The following EVC2 variants were observed in gnomAD, a reference collection of about 807,000 sequenced individuals.
EVC2 encodes the protein limbin.
Under a neutral mutation model 149.3 loss-of-function variants are expected in EVC2, and 148 were observed. The ratio of observed to expected loss-of-function variants is 0.99; its 90% CI spans 0.87 to 1.14. EVC2 has a LOEUF of 1.14. Among genes scored for constraint, EVC2 ranks in the 50% most tolerant of loss-of-function variants. The pLI is 0.00. For synonymous variants in EVC2, 776 were observed against 649.9 expected (o/e 1.19, Z -2.95); for missense variants, 1,854 against 1,627.3 (o/e 1.14, Z -2.40).
intron 16 of EVC2, among the ~76,000 whole-genome samples, chr4:5,595,162 G>C (rs960515355): frequency 1.3e-5 from 2 of 152,150 alleles, no homozygotes; most frequent in Non-Finnish European, 2.9e-5. Context: ...TTATCCAGGA[G>C]AACTTCCCCA....
chr4:5,665,078 G>C (rs1719174734), intron 8 of EVC2, among the ~76,000 whole-genome samples: 1 of 151,996 alleles, frequency 6.6e-6, no homozygotes, highest in Non-Finnish European at 1.5e-5. Flanking sequence ...GTGACAGGCT[G>C]CGTGTGGGTG....
At position 5,565,163 on chromosome 4, in the gene EVC2, C is replaced by T. The variant is rs952300520; in HGVS notation, c.3659+95G>A. The T allele has an allele frequency of 4.3e-6, 5 of 1,170,878 alleles. No individual in the cohort carries two copies. The South Asian group carries it at 6.1e-5, about 14-fold the overall frequency. The allele number at this position is 1,170,878 out of a possible 1,614,324, so 72.5% of individuals were successfully genotyped here. ...ACAAATCTTTGTCTGTTTGCAGCAA[C>T]CTCCTTTCCTTGTCACCTCCTGCCT... On this transcript the variant is annotated intron_variant, in intron 21 of 21. Coordinates refer to ENST00000344408, the MANE Select transcript of EVC2 (RefSeq NM_147127.5).
intron 17 of EVC2, among the ~76,000 whole-genome samples, chr4:5,582,623 G>A (rs1379320393): frequency 6.6e-6 from 1 of 152,204 alleles, no homozygotes; most frequent in African/African-American, 2.4e-5. Context: ...ATGCTGGAAT[G>A]AGTTAAGACT....
chr4:5,552,290 A>G (rs553810913), intron 21 of EVC2, among the ~76,000 whole-genome samples: 14 of 152,324 alleles, frequency 9.2e-5, no homozygotes, highest in African/African-American at 3.4e-4. Flanking sequence ...CAATTTAAGT[A>G]AATATTTGGC....
intron 16 of EVC2, among the ~76,000 whole-genome samples, chr4:5,589,973 G>A (rs963997812): frequency 2.6e-5 from 4 of 152,120 alleles, no homozygotes; most frequent in African/African-American, 9.7e-5. Context: ...ATGTGGTTTA[G>A]AGAAAAGAGA....
intron 1 of EVC2, among the ~76,000 whole-genome samples, chr4:5,706,321 C>T (rs369793262): frequency 3.8e-5 from 1 of 26,508 alleles, no homozygotes; most frequent in South Asian, 1.2e-3. Flanking sequence ...TAGATAGATA[C>T]ATAGATAGAT....
At chr4:5,617,658 G>A (rs1361938491) in intron 15 of EVC2, among the ~76,000 whole-genome samples, 1 of 152,202 alleles carries the variant, frequency 6.6e-6, no homozygotes, top group East Asian at 1.9e-4. Context: ...ATTTTAGACA[G>A]GTGCTCAGGG....
At chr4:5,621,299 C>T (rs193160917) in intron 14 of EVC2, among the ~76,000 whole-genome samples, 22 of 152,300 alleles carry the variant, frequency 1.4e-4, no homozygotes, top group Admixed American at 3.3e-4. Flanking sequence ...CCAAGATGAG[C>T]CCAGGCTCTT....
chr4:5,622,658 C>T lies in EVC2; in HGVS notation c.2380G>A (p.Glu794Lys). The T allele has an allele frequency of 6.2e-7, 1 of 1,614,118 alleles. No individual in the cohort carries two copies. The highest frequency in any genetic ancestry group is 8.5e-7 in the Non-Finnish European group (1 of 1,180,020). Residue 794 changes from glutamate to lysine, a missense_variant, in exon 14 of 22, where the codon GAG becomes AAG. Transcript: ENST00000344408. The surrounding 1 kb of genome is among the most constrained non-coding windows in gnomAD (Gnocchi z 5.8). ...CCCTCCTGGTCCCTGTCCCTCTCCT[C>T]CCCCTCCAGCTGCTCGGCCCGTGCA... Reference protein sequence around the residue: ...MAARAEQLEGEERDRDQEGVQ... With the variant: ...MAARAEQLEGKERDRDQEGVQ...
chr4:5,529,602 T>C, the EVC2 span, among the ~76,000 whole-genome samples: 1 of 152,206 alleles, frequency 6.6e-6, no homozygotes, highest in African/African-American at 2.4e-5. The surrounding 1 kb of genome is among the most constrained non-coding windows in gnomAD (Gnocchi z 4.5). Context: ...TTATTGTGGT[T>C]CTAGACACAT....
At chr4:5,534,641 A>G in the EVC2 span, among the ~76,000 whole-genome samples, 1 of 152,168 alleles carries the variant, frequency 6.6e-6, no homozygotes, top group Non-Finnish European at 1.5e-5. Context: ...CTTCCTGTTC[A>G]GAAACCTCAA....
intron 6 of EVC2, among the ~76,000 whole-genome samples, chr4:5,684,784 G>A (rs1050132669): frequency 5.3e-5 from 8 of 152,182 alleles, no homozygotes; most frequent in South Asian, 2.1e-4. Context: ...TACAGAGGTA[G>A]TAAGGTAAAG....
intron 5 of EVC2, among the ~76,000 whole-genome samples, chr4:5,687,249 C>T (rs1720783730): frequency 6.6e-6 from 1 of 151,994 alleles, no homozygotes; most frequent in Non-Finnish European, 1.5e-5. Context: ...AAGCATGAAA[C>T]TCCATCTCAA....
intron 1 of EVC2, among the ~76,000 whole-genome samples, chr4:5,703,697 A>C (rs73067764): frequency 0.027 from 4,121 of 152,302 alleles, 148 homozygotes; most frequent in African/African-American, 0.092. Context: ...CGAGACATCA[A>C]AAGTTCTACT....
In EVC2 at chr4:5,685,499, T is replaced by A; in HGVS notation, c.707-20A>T. The stretch of plus-strand genomic sequence containing the variant: ...CTCCCACTGCGCAGAGAAAAGCACA[T>A]GTGACTCAGGGAGGGCTTGGCCACG... On this transcript the variant is annotated intron_variant, in intron 5 of 21. Coordinates refer to ENST00000344408, the MANE Select transcript of EVC2 (RefSeq NM_147127.5). 2 of 1,610,732 alleles carry A rather than the reference T, an allele frequency of 1.2e-6. No individual in the cohort carries two copies. Among genetic ancestry groups the A allele is most frequent in the Non-Finnish European group, 1.7e-6 (2 of 1,177,222 alleles).
chr4:5,590,917 A>G (rs188823755), intron 16 of EVC2, among the ~76,000 whole-genome samples: 1 of 152,328 alleles, frequency 6.6e-6, no homozygotes, highest in Non-Finnish European at 1.5e-5. Context: ...CAGCAGCAAG[A>G]AGTGCCAAGC....
intron 16 of EVC2, among the ~76,000 whole-genome samples, chr4:5,585,122 C>G (rs1010704065): frequency 1.3e-5 from 2 of 152,090 alleles, no homozygotes; most frequent in Non-Finnish European, 2.9e-5. Flanking sequence ...CTTCTGAAAA[C>G]ACTTCTAAGT....
intron 7 of EVC2, among the ~76,000 whole-genome samples, chr4:5,667,671 G>C (rs550730286): frequency 6.6e-6 from 1 of 152,300 alleles, no homozygotes; most frequent in Non-Finnish European, 1.5e-5. Context: ...GACTCCAGCG[G>C]AGTCACAAAA....
At chr4:5,646,636 GGTTGGT>G (rs1249623253) in intron 9 of EVC2, among the ~76,000 whole-genome samples, 1 of 152,070 alleles carries the variant, frequency 6.6e-6, no homozygotes, top group Non-Finnish European at 1.5e-5. Flanking sequence ...CTAATTAAAG[GGTTGGT>G]GTCATAGTAA....
Sources: allele counts gnomAD v4.1 joint callset (sites outside exome capture counted in the v4.1 genomes callset), GRCh38; gene constraint gnomAD v4.1.1; non-coding constraint Gnocchi (gnomAD v3.1); transcripts MANE v1.5; gene names NCBI Gene and HGNC (gene_info 2026-07-23, HGNC 2026-07-21).